Variants in RAD51B observed in about 807,000 individuals in gnomAD.
The protein encoded by RAD51B is RAD51 paralog B.
A neutral mutation model predicts 42.2 loss-of-function variants in RAD51B; 38 were observed. The observed-to-expected ratio is 0.90, with a 90% CI of 0.70 to 1.18. The LOEUF (loss-of-function observed/expected upper bound fraction) is 1.18. Ranked by LOEUF, RAD51B falls within the 50% of genes most tolerant of loss-of-function variation. RAD51B has a pLI of 0.00. For synonymous variants in RAD51B, 154 were observed against 145.2 expected, an observed-to-expected ratio of 1.06 and a Z score of -0.43; for missense variants, 373 against 400.7, an observed-to-expected ratio of 0.93 and a Z score of 0.59.
intron 7 of RAD51B, among the ~76,000 whole-genome samples, chr14:68,230,142 G>C (rs2080118034): frequency 6.6e-6 from 1 of 152,214 alleles, no homozygotes; most frequent in Non-Finnish European, 1.5e-5. Context: ...CAAATTGTAG[G>C]ACAGTCTTAT....
At chr14:68,023,726 A>T (rs2075906129) in intron 7 of RAD51B, among the ~76,000 whole-genome samples, 1 of 152,112 alleles carries the variant, frequency 6.6e-6, no homozygotes, top group Admixed American at 6.6e-5. Context: ...TAAATTCCTT[A>T]TAGATTCTGG....
intron 10 of RAD51B, among the ~76,000 whole-genome samples, chr14:68,507,232 A>C (rs1269473362): frequency 6.6e-6 from 1 of 152,158 alleles, no homozygotes; most frequent in African/African-American, 2.4e-5. Flanking sequence ...TCATTGCTCC[A>C]GTGCTGTTTT....
At chr14:68,583,442 A>C (rs764470071) in intron 10 of RAD51B, among the ~76,000 whole-genome samples, 18 of 152,216 alleles carry the variant, frequency 1.2e-4, no homozygotes, top group Non-Finnish European at 1.9e-4. Flanking sequence ...CAAATATTTG[A>C]AAGTTACAAA....
intron 7 of RAD51B, among the ~76,000 whole-genome samples, chr14:68,252,446 G>A (rs1018358924): frequency 6.6e-6 from 1 of 152,148 alleles, no homozygotes; most frequent in Non-Finnish European, 1.5e-5. Flanking sequence ...ACTCCTCCAA[G>A]CCTTACTTTA....
intron 10 of RAD51B, among the ~76,000 whole-genome samples, chr14:68,592,652 G>A (rs1890807424): frequency 2.0e-5 from 3 of 152,152 alleles, no homozygotes; most frequent in African/African-American, 7.2e-5. Flanking sequence ...CATCGATAAT[G>A]GTAACTGCCA....
At chr14:68,371,998 T>C (rs1327861690) in intron 8 of RAD51B, among the ~76,000 whole-genome samples, 5 of 152,202 alleles carry the variant, frequency 3.3e-5, no homozygotes, top group African/African-American at 1.2e-4. Flanking sequence ...CATCAACATT[T>C]AGAATAGAAG....
intron 7 of RAD51B, among the ~76,000 whole-genome samples, chr14:68,017,282 A>G (rs2075791364): frequency 6.6e-6 from 1 of 151,932 alleles, no homozygotes; most frequent in Non-Finnish European, 1.5e-5. Context: ...TGCATCCTCC[A>G]CCTCCTAGGT....
In RAD51B at chr14:67,868,301, T is replaced by C. The variant is rs556713466; in HGVS notation, c.452+3162T>C. 5.3e-5 allele frequency among the ~76,000 whole-genome samples: 8 copies of C among 152,244 alleles called. No individual in the cohort carries two copies. The South Asian group carries it at 1.7e-3, about 32-fold the overall frequency. On this transcript the variant is annotated intron_variant, in intron 5 of 10. Transcript: ENST00000471583. ...GCGCAAGGGGTCAGGGAGTTCCCTT[T>C]CCGAGTCAAAGAAAGGGGTGACAGA...
intron 9 of RAD51B, among the ~76,000 whole-genome samples, chr14:68,440,775 A>AAGAC (rs1204854926): frequency 1.3e-5 from 2 of 152,082 alleles, no homozygotes; most frequent in African/African-American, 4.8e-5. Flanking sequence ...GAAAGAAAGA[A>AAGAC]AGTAACCATC....
chr14:67,843,099 C>T (rs755571045), intron 4 of RAD51B, among the ~76,000 whole-genome samples: 6 of 150,336 alleles, frequency 4.0e-5, no homozygotes, highest in Non-Finnish European at 8.9e-5. Context: ...TTTTTGCATC[C>T]ATGTTCATCA....
At chr14:68,003,908 G>A (rs1384690303) in intron 7 of RAD51B, among the ~76,000 whole-genome samples, 1 of 152,098 alleles carries the variant, frequency 6.6e-6, no homozygotes, top group Admixed American at 6.6e-5. Flanking sequence ...CTGCTGGATT[G>A]AGTTTGCCAG....
intron 10 of RAD51B, among the ~76,000 whole-genome samples, chr14:68,533,104 A>G (rs1418056256): frequency 6.6e-6 from 1 of 152,200 alleles, no homozygotes; most frequent in East Asian, 1.9e-4. Flanking sequence ...TGAAAAAAAA[A>G]CAGACAAACC....
chr14:67,935,309 T>A (rs911180309), intron 7 of RAD51B, among the ~76,000 whole-genome samples: 4 of 152,210 alleles, frequency 2.6e-5, no homozygotes, highest in Non-Finnish European at 4.4e-5. Context: ...AACCAGAAGA[T>A]ATACCAGTTG....
intron 7 of RAD51B, among the ~76,000 whole-genome samples, chr14:68,289,266 A>C (rs914214373): frequency 6.6e-6 from 1 of 152,210 alleles, no homozygotes; most frequent in African/African-American, 2.4e-5. Flanking sequence ...AGATACTTTA[A>C]GTATCTTACA....
chr14:68,567,942 C>A (rs1269959553), intron 10 of RAD51B, among the ~76,000 whole-genome samples: 2 of 152,166 alleles, frequency 1.3e-5, no homozygotes, highest in East Asian at 3.9e-4. Flanking sequence ...CCAGGGGTCC[C>A]GTTCACATGA....
At chr14:68,485,261 C>T (rs1883533344) in intron 10 of RAD51B, among the ~76,000 whole-genome samples, 1 of 152,154 alleles carries the variant, frequency 6.6e-6, no homozygotes, top group South Asian at 2.1e-4. Flanking sequence ...ACCCTCACAG[C>T]CTAGGCATCT....
At chr14:67,823,161 T>C (rs2040692460) in intron 1 of RAD51B, among the ~76,000 whole-genome samples, 1 of 152,220 alleles carries the variant, frequency 6.6e-6, no homozygotes, top group Non-Finnish European at 1.5e-5. Flanking sequence ...AGTAGTTCTG[T>C]TTGGAAATAT....
At chr14:67,820,121 G>T (rs115679825) in intron 1 of RAD51B, among the ~76,000 whole-genome samples, 4 of 152,048 alleles carry the variant, frequency 2.6e-5, no homozygotes, top group Non-Finnish European at 5.9e-5. Flanking sequence ...TGATGTTTCC[G>T]CCTGTTGCTG....
chr14:68,127,118 A>G (rs998594408), intron 7 of RAD51B, among the ~76,000 whole-genome samples: 187 of 152,252 alleles, frequency 1.2e-3, no homozygotes, highest in African/African-American at 4.3e-3. Context: ...TATCTCATAT[A>G]TGTGCCTCAA....
Sources: allele counts gnomAD v4.1 joint callset (sites outside exome capture counted in the v4.1 genomes callset), GRCh38; gene constraint gnomAD v4.1.1; transcripts MANE v1.5; gene names NCBI Gene and HGNC (gene_info 2026-07-23, HGNC 2026-07-21).